TPMT: variants seen among roughly 807,000 people sequenced by gnomAD.
TPMT encodes the protein S-adenosyl-L-methionine:thiopurine S-methyltransferase.
Under a neutral mutation model 34.2 loss-of-function variants are expected in TPMT, and 18 were observed. That is an observed-to-expected ratio of 0.53 (90% CI 0.36 to 0.78). The LOEUF (loss-of-function observed/expected upper bound fraction) is 0.78. TPMT is among the 30% of genes least tolerant of loss of function. The pLI is 0.00. For synonymous variants in TPMT, 69 were observed against 92.4 expected (o/e 0.75, Z 1.45); for missense variants, 265 against 288.1 (o/e 0.92, Z 0.58).
intron 1 of TPMT, among the ~76,000 whole-genome samples, chr6:18,152,567 C>T (rs990209465): frequency 2.0e-5 from 3 of 151,554 alleles, no homozygotes; most frequent in Non-Finnish European, 4.4e-5. Flanking sequence ...ACTGAAGGCA[C>T]ACTTTCTTTC....
intron 6 of TPMT, 147 bp from the exon 7 acceptor site, chr6:18,134,036 A>AC: frequency 1.5e-6 from 1 of 687,242 alleles, no homozygotes; most frequent in Non-Finnish European, 2.6e-6. Context: ...GTTGATTCTC[A>AC]TTTTAAAAGT....
Position 18,148,853 on chromosome 6 carries a change from C to A in TPMT, c.140+135G>T. On this transcript the variant is annotated intron_variant, in intron 2 of 8. Transcript: ENST00000309983. The surrounding 1 kb of genome is among the most constrained non-coding windows in gnomAD (Gnocchi z 4.1). Reference sequence around the variant, plus strand: ...ACATCATGCCACAGATGCACTGTGACTCGGGAGACACAAAAATGTGAAGAA... The same window carrying A: ...ACATCATGCCACAGATGCACTGTGAATCGGGAGACACAAAAATGTGAAGAA... 1.5e-6 allele frequency: 2 copies of A among 1,313,590 alleles called. No individual in the cohort carries two copies. 81.4% of individuals were successfully genotyped at this position (1,313,590 alleles called of 1,614,324 possible).
chr6:18,150,784 AG>A lies in TPMT; in HGVS notation c.-44-1614del, dbSNP rs1784337638. ...TCTTGGTTAGAAGTGTGGGGGCCAT[AG>A]GGGGTTGGGCACCCTAAAGGTTTAG... On this transcript the variant is annotated intron_variant, in intron 1 of 8. Transcript: ENST00000309983. This position sits in a 1 kb window ranked among gnomAD's most constrained non-coding sequence, Gnocchi z 5.3. 6.6e-6 allele frequency among the ~76,000 whole-genome samples: 1 copy of A among 152,160 alleles called. No individual in the cohort carries two copies. The highest frequency in any genetic ancestry group is 6.5e-5 in the Admixed American group (1 of 15,280).
intron 2 of TPMT, 40 bp from the exon 3 acceptor site, chr6:18,147,955 G>C (rs1408987513): frequency 6.8e-7 from 1 of 1,470,726 alleles, no homozygotes; most frequent in Admixed American, 1.7e-5. Context: ...ACAATTGTAT[G>C]GTAGGTGAAC....
Position 18,139,911 on chromosome 6 carries a change from G to C in TPMT, c.367-194C>G, listed in dbSNP as rs1036412398. ...TTTAAAACCTGTGCGAGGTTCTTTT[G>C]GGCCAACTCAGAGGAATATCACAGA... On this transcript the variant is annotated intron_variant, in intron 4 of 8. Transcript: ENST00000309983. The surrounding 1 kb of genome is among the most constrained non-coding windows in gnomAD (Gnocchi z 4.2). Among the ~76,000 whole-genome samples the C allele has an allele frequency of 6.6e-6, 1 of 151,912 alleles. No homozygotes were observed. The highest frequency in any genetic ancestry group is 1.5e-5 in the Non-Finnish European group (1 of 67,994).
chr6:18,150,786 G>C lies in TPMT; in HGVS notation c.-44-1615C>G, dbSNP rs546874069. Among the ~76,000 whole-genome samples, 75 of 152,256 alleles carry C rather than the reference G, an allele frequency of 4.9e-4. No individual in the cohort carries two copies. The highest frequency in any genetic ancestry group is 1.7e-3 in the African/African-American group (72 of 41,560). On this transcript the variant is annotated intron_variant, in intron 1 of 8. Transcript: ENST00000309983. This position sits in a 1 kb window ranked among gnomAD's most constrained non-coding sequence, Gnocchi z 5.3. ...TTGGTTAGAAGTGTGGGGGCCATAG[G>C]GGGTTGGGCACCCTAAAGGTTTAGT... is the stretch of plus-strand genomic sequence containing the variant.
At position 18,147,824 on chromosome 6, in the gene TPMT, A is replaced by G. The variant is rs753277177; in HGVS notation, c.232T>C (p.Trp78Arg). ...CTGTTAATGTTTATCTGCTCATACCATTTCATCTCAACCGCTTTTCCGCAA... is the reference window on the plus strand; with the variant it reads ...CTGTTAATGTTTATCTGCTCATACCGTTTCATCTCAACCGCTTTTCCGCAA... The part of the protein sequence containing the change: ...PLCGKAVEMK[W>R]FADRGHSVVG... The change falls in exon 3 of 9, where the codon TGG (tryptophan) becomes CGG (arginine). Residue 78 changes from tryptophan (W) to arginine (R), a missense_variant and splice_region_variant. Trp to Arg is a moderately radical substitution (Grantham distance 101). Transcript: ENST00000309983. The G allele has an allele frequency of 6.2e-7, 1 of 1,613,196 alleles. No individual in the cohort carries two copies. Among genetic ancestry groups the G allele is most frequent in the East Asian group, 2.2e-5 (1 of 44,800 alleles).
chr6:18,147,983 T>C (rs1437265332), intron 2 of TPMT, 68 bp from the exon 3 acceptor site: 5 of 1,172,502 alleles, frequency 4.3e-6, no homozygotes, highest in African/African-American at 3.1e-5. Flanking sequence ...ATTCATTATC[T>C]CACTTAATAT....
Position 18,153,719 on chromosome 6 carries a change from C to G in TPMT, c.-45+1314G>C, listed in dbSNP as rs1053421565. On this transcript the variant is annotated intron_variant, in intron 1 of 8. Transcript: ENST00000309983. The surrounding 1 kb of genome is among the most constrained non-coding windows in gnomAD (Gnocchi z 4.2). Reference sequence around the variant, plus strand: ...GAAAGTATCTGATTTATATTGGGTACAGAAAAGCAAAAGAATGTTGCAGTT... The same window carrying G: ...GAAAGTATCTGATTTATATTGGGTAGAGAAAAGCAAAAGAATGTTGCAGTT... Among the ~76,000 whole-genome samples, 1 of 151,874 alleles carries G rather than the reference C, an allele frequency of 6.6e-6. No homozygotes were observed. The highest frequency in any genetic ancestry group is 2.4e-5 in the African/African-American group (1 of 41,178).
chr6:18,128,956 C>CAGCG lies in TPMT; in HGVS notation c.*1708_*1711dup, dbSNP rs1420929370. The CAGCG allele has an allele frequency of 6.6e-6, 1 of 152,232 alleles. No homozygotes were observed. Among genetic ancestry groups the CAGCG allele is most frequent in the African/African-American group, 2.4e-5 (1 of 41,434 alleles). The allele number at this position is 152,232 out of a possible 1,614,324, so 9.4% of individuals were successfully genotyped here. On this transcript the variant is annotated 3_prime_UTR_variant, in exon 9 of 9. Transcript: ENST00000309983. This position sits in a 1 kb window ranked among gnomAD's most constrained non-coding sequence, Gnocchi z 4.6. ...AAGTCCAAAAGCCTATGAAGAGGGC[C>CAGCG]AGCGCAATGGCTCATACCTGTAATC... is the stretch of plus-strand genomic sequence containing the variant.
At position 18,145,751 on chromosome 6, in the gene TPMT, A is replaced by G. The variant is rs577045981; in HGVS notation, c.234-2023T>C. Among the ~76,000 whole-genome samples the G allele has an allele frequency of 1.6e-4, 24 of 152,368 alleles. No individual in the cohort carries two copies. Among genetic ancestry groups the G allele is most frequent in the Admixed American group, 5.2e-4 (8 of 15,298 alleles). Reference sequence around the variant, plus strand: ...AAAATGTAAACAAAAACATTATTCAAATTGGCTGTATGTGTTTTTATTTCC... The same window carrying G: ...AAAATGTAAACAAAAACATTATTCAGATTGGCTGTATGTGTTTTTATTTCC... On this transcript the variant is annotated intron_variant, in intron 3 of 8. Transcript: ENST00000309983. The surrounding 1 kb of genome is among the most constrained non-coding windows in gnomAD (Gnocchi z 5.6).
chr6:18,145,254 C>CA lies in TPMT; in HGVS notation c.234-1527dup, dbSNP rs1216654495. Among the ~76,000 whole-genome samples the CA allele has an allele frequency of 6.6e-6, 1 of 152,082 alleles. No individual in the cohort carries two copies. Among genetic ancestry groups the CA allele is most frequent in the Non-Finnish European group, 1.5e-5 (1 of 68,002 alleles). On this transcript the variant is annotated intron_variant, in intron 3 of 8. Transcript: ENST00000309983. This position sits in a 1 kb window ranked among gnomAD's most constrained non-coding sequence, Gnocchi z 5.6. ...ACTTGGTCAGTGCCACATTAAAAAA[C>CA]AAAAACAGGAACCTAATAATAACAG...
At position 18,129,260 on chromosome 6, in the gene TPMT, C is replaced by A. The variant is rs1339984487; in HGVS notation, c.*1408G>T. On this transcript the variant is annotated 3_prime_UTR_variant, in exon 9 of 9. Coordinates refer to ENST00000309983, the MANE Select transcript of TPMT (RefSeq NM_000367.5). ...GCAAGGAGTTGCTTCAAATTAATAG[C>A]CTTACAAATCTATTAGAATACATCG... 3.9e-5 allele frequency: 6 copies of A among 152,190 alleles called. No homozygotes were observed. The South Asian group carries it at 8.3e-4, about 21-fold the overall frequency. The allele number at this position is 152,190 out of a possible 1,614,324, so 9.4% of individuals were successfully genotyped here.
At position 18,136,259 on chromosome 6, in the gene TPMT, G is replaced by A. The variant is rs1015533479; in HGVS notation, c.495-2370C>T. On this transcript the variant is annotated intron_variant, in intron 6 of 8. Coordinates refer to ENST00000309983, the MANE Select transcript of TPMT (RefSeq NM_000367.5). This position sits in a 1 kb window ranked among gnomAD's most constrained non-coding sequence, Gnocchi z 4.7. ...TATACAAATGTGTCTCACGGAGACA[G>A]AGGTCTCGGTGATATTTTGAGTTGT... is the stretch of plus-strand genomic sequence containing the variant. Among the ~76,000 whole-genome samples, 4 of 152,122 alleles carry A rather than the reference G, an allele frequency of 2.6e-5. No homozygotes were observed. The highest frequency in any genetic ancestry group is 9.7e-5 in the African/African-American group (4 of 41,426).
In TPMT at chr6:18,131,603, AT is replaced by A. The variant is rs767317182; in HGVS notation, c.625+529del. ...CTCAAAAATAAACAAATAAAAAAAA[AT>A]ATACCATCTCTCTAGAAAAGTTCAA... On this transcript the variant is annotated intron_variant, in intron 8 of 8. Coordinates refer to ENST00000309983, the MANE Select transcript of TPMT (RefSeq NM_000367.5). This position sits in a 1 kb window ranked among gnomAD's most constrained non-coding sequence, Gnocchi z 4.3. Among the ~76,000 whole-genome samples, 41 of 152,232 alleles carry A rather than the reference AT, an allele frequency of 2.7e-4. No homozygotes were observed. Among genetic ancestry groups the A allele is most frequent in the Admixed American group, 5.2e-4 (8 of 15,286 alleles).
At chr6:18,137,999 C>T (rs1249041310) in intron 6 of TPMT, among the ~76,000 whole-genome samples, 1 of 152,106 alleles carries the variant, frequency 6.6e-6, no homozygotes, top group Admixed American at 6.5e-5. Flanking sequence ...AGGCTGGTCT[C>T]GAACTCCTGA....
chr6:18,130,693 T>C lies in TPMT; in HGVS notation c.713A>G (p.Lys238Arg). 6.2e-7 allele frequency: 1 copy of C among 1,612,034 alleles called. No individual in the cohort carries two copies. The stretch of plus-strand genomic sequence containing the variant: ...TTACTTTTCTGTAAGTAGATATAAC[T>C]TTTCAAAAAGACAGTCAATTCCCCA... ...KSWGIDCLFEKLYLLTEK is the reference protein window; with the variant it reads ...KSWGIDCLFERLYLLTEK Residue 238 changes from lysine to arginine, a missense_variant, in exon 9 of 9, where the codon AAG (lysine) becomes AGG (arginine). Lys to Arg is a conservative substitution (Grantham distance 26). Coordinates refer to ENST00000309983, the MANE Select transcript of TPMT (RefSeq NM_000367.5). The surrounding 1 kb of genome is among the most constrained non-coding windows in gnomAD (Gnocchi z 4.2).
rs2518471 is a variant in TPMT at position 18,148,282 on chromosome 6, G to A, written c.141-367C>T. 0.92 allele frequency among the ~76,000 whole-genome samples: 140,645 copies of A among 152,180 alleles called. 65,072 individuals carry two copies. Among genetic ancestry groups the A allele is most frequent in the African/African-American group, 0.94 (39,127 of 41,518 alleles). On this transcript the variant is annotated intron_variant, in intron 2 of 8. Coordinates refer to ENST00000309983, the MANE Select transcript of TPMT (RefSeq NM_000367.5). This position sits in a 1 kb window ranked among gnomAD's most constrained non-coding sequence, Gnocchi z 4.1. ...TTCTCTAAACGTGTACTCAAGCCTC[G>A]GAAGTAAACCTGAGAAGTGTAACTC... is the stretch of plus-strand genomic sequence containing the variant.
rs1784314993 is a variant in TPMT, at chr6:18,149,606, C to T, written c.-44-435G>A. 6.6e-6 allele frequency among the ~76,000 whole-genome samples: 1 copy of T among 151,980 alleles called. No homozygotes were observed. Among genetic ancestry groups the T allele is most frequent in the South Asian group, 2.1e-4 (1 of 4,816 alleles). On this transcript the variant is annotated intron_variant, in intron 1 of 8. Transcript: ENST00000309983. The surrounding 1 kb of genome is among the most constrained non-coding windows in gnomAD (Gnocchi z 5.0). ...CCAAGTAGCTGGGACTTCAGGTACA[C>T]ACCACCACACCTGGTTAATTTTTGT... is the stretch of plus-strand genomic sequence containing the variant.
Sources: gnomAD v4.1 joint callset for allele counts (sites outside exome capture counted in the v4.1 genomes callset) on GRCh38, gnomAD v4.1.1 for gene constraint, Gnocchi (gnomAD v3.1) non-coding constraint, MANE v1.5 for transcripts, NCBI Gene and HGNC (gene_info 2026-07-23, HGNC 2026-07-21) for gene names.